The following CBLB variants were observed in gnomAD, a reference collection of about 807,000 sequenced individuals.
CBLB encodes E3 ubiquitin-protein ligase CBL-B.
A neutral mutation model predicts 104.9 loss-of-function variants in CBLB; 31 were observed. The ratio of observed to expected loss-of-function variants is 0.30; its 90% CI spans 0.22 to 0.40. The LOEUF (loss-of-function observed/expected upper bound fraction) is 0.40. Ranked by LOEUF, CBLB falls within the 10% of genes least tolerant of loss-of-function variation. The pLI is 1.00. For missense variants in CBLB, 1,062 were observed against 1,214.6 expected (o/e 0.87, Z 1.87); for synonymous variants, 440 against 422.6 (o/e 1.04, Z -0.51).
chr3:105,753,548 G>A (rs2076775617), intron 4 of CBLB, among the ~76,000 whole-genome samples: 1 of 151,964 alleles, frequency 6.6e-6, no homozygotes, highest in Non-Finnish European at 1.5e-5. Flanking sequence ...AAGGGACATT[G>A]ATCATGATAC....
chr3:105,753,122 G>T (rs761874804), intron 4 of CBLB, among the ~76,000 whole-genome samples: 1 of 152,194 alleles, frequency 6.6e-6, no homozygotes, highest in Non-Finnish European at 1.5e-5. Context: ...TTCCAGAGAA[G>T]CAGTCTGTGG....
chr3:105,716,869 A>G lies in CBLB; in HGVS notation c.1407+3178T>C, dbSNP rs542814855. On this transcript the variant is annotated intron_variant, in intron 10 of 18. Coordinates refer to ENST00000394030, the MANE Select transcript of CBLB (RefSeq NM_170662.5). The stretch of plus-strand genomic sequence containing the variant: ...ATCATCATTCTACTCTTTGTGGGGT[A>G]AAAAACAGAAAGGATCAATTTGAAA... Among the ~76,000 whole-genome samples the G allele has an allele frequency of 3.3e-5, 5 of 152,284 alleles. No homozygotes were observed. The South Asian group carries it at 1.0e-3, about 32-fold the overall frequency.
At chr3:105,691,915 C>T (rs558207868) in intron 13 of CBLB, among the ~76,000 whole-genome samples, 52 of 152,272 alleles carry the variant, frequency 3.4e-4, no homozygotes, top group Admixed American at 1.3e-3. Context: ...TCCATGACAT[C>T]CTTCATTCAC....
intron 3 of CBLB, among the ~76,000 whole-genome samples, chr3:105,815,710 G>T (rs1347570938): frequency 6.6e-6 from 1 of 152,054 alleles, no homozygotes; most frequent in East Asian, 1.9e-4. Flanking sequence ...TATACCCAAA[G>T]GATTATAAAT....
rs773316313 is a variant in CBLB, at chr3:105,720,057, T to C, written c.1397A>G (p.Asn466Ser). 1.2e-6 allele frequency: 2 copies of C among 1,613,532 alleles called. No homozygotes were observed. The highest frequency in any genetic ancestry group is 1.1e-5 in the South Asian group (1 of 91,060). ...TGTTTCTAGTTTTACCTTTCGGACG[T>C]TTGCCAACCGATTCATCATCAAGGA... The part of the protein sequence containing the change: ...EESLMMNRLA[N>S]VRKCTDRQNS... The change falls in exon 10 of 19, where the codon AAC becomes AGC. Residue 466 changes from asparagine (N) to serine (S), a missense_variant. Physicochemically the swap from Asn to Ser is conservative, Grantham distance 46. Coordinates refer to ENST00000394030, the MANE Select transcript of CBLB (RefSeq NM_170662.5).
At position 105,685,094 on chromosome 3, in the gene CBLB, T is replaced by C. The variant is rs1559813841; in HGVS notation, c.2201+226A>G. ...TGAGCACTAATTTTTCTTCATGAGA[T>C]AGGTGTTTAGAACTGATAAAATAAA... On this transcript the variant is annotated intron_variant, in intron 14 of 18. Coordinates refer to ENST00000394030, the MANE Select transcript of CBLB (RefSeq NM_170662.5). Among the ~76,000 whole-genome samples the C allele has an allele frequency of 2.0e-5, 3 of 152,208 alleles. No homozygotes were observed. In the South Asian group the frequency reaches 6.2e-4, roughly 32 times the overall value.
At chr3:105,733,921 G>C in intron 9 of CBLB, 88 bp downstream of exon 9, 1 of 1,218,336 alleles carries the variant, frequency 8.2e-7, no homozygotes, top group Admixed American at 1.7e-5. Context: ...GCACTTACCA[G>C]CATTACTTCC....
At chr3:105,865,254 A>T (rs771323458) in intron 2 of CBLB, among the ~76,000 whole-genome samples, 1 of 152,214 alleles carries the variant, frequency 6.6e-6, no homozygotes, top group Non-Finnish European at 1.5e-5. Flanking sequence ...GTAATTATCA[A>T]TGCCTTTCTA....
chr3:105,678,107 C>T (rs2065870373), intron 17 of CBLB, among the ~76,000 whole-genome samples: 1 of 152,004 alleles, frequency 6.6e-6, no homozygotes, highest in African/African-American at 2.4e-5. Context: ...AAATATTGTT[C>T]CCATTACTAT....
chr3:105,754,665 C>T (rs539561306), intron 4 of CBLB, among the ~76,000 whole-genome samples: 1 of 152,100 alleles, frequency 6.6e-6, no homozygotes, highest in Non-Finnish European at 1.5e-5. Flanking sequence ...CAGGCTGAAT[C>T]GCTTTTAAAA....
chr3:105,869,290 A>G, upstream of CBLB: 1 of 1,017,740 alleles, frequency 9.8e-7, no homozygotes, highest in Non-Finnish European at 1.4e-6. Context: ...GAAAGTGGAA[A>G]CGGGAAAGGA....
At chr3:105,803,815 A>G (rs1296459742) in intron 3 of CBLB, among the ~76,000 whole-genome samples, 3 of 152,234 alleles carry the variant, frequency 2.0e-5, no homozygotes, top group African/African-American at 4.8e-5. Context: ...TCTTTTCACT[A>G]TAATTTTTAA....
At chr3:105,727,754 T>C (rs540193592) in intron 9 of CBLB, among the ~76,000 whole-genome samples, 6 of 152,232 alleles carry the variant, frequency 3.9e-5, no homozygotes, top group Non-Finnish European at 7.3e-5. Context: ...TTCAGTTTTC[T>C]GCGTATGGCT....
At chr3:105,853,013 G>A (rs1311802808) in intron 3 of CBLB, among the ~76,000 whole-genome samples, 6 of 152,042 alleles carry the variant, frequency 3.9e-5, no homozygotes, top group South Asian at 2.1e-4. Flanking sequence ...CACCACGCCC[G>A]GCCTTTTATA....
At chr3:105,852,827 C>G (rs1045537237) in intron 3 of CBLB, among the ~76,000 whole-genome samples, 4 of 152,236 alleles carry the variant, frequency 2.6e-5, no homozygotes, top group Admixed American at 1.3e-4. Flanking sequence ...AAGCGATTCT[C>G]CTGCCTCAGC....
At chr3:105,848,834 T>A (rs1484019145) in intron 3 of CBLB, among the ~76,000 whole-genome samples, 1 of 152,136 alleles carries the variant, frequency 6.6e-6, no homozygotes, top group Non-Finnish European at 1.5e-5. Flanking sequence ...AGTGAATTTA[T>A]AATATTCCCA....
At chr3:105,722,571 C>CAGTGCAATTATA (rs1559960892) in intron 9 of CBLB, among the ~76,000 whole-genome samples, 3 of 9,296 alleles carry the variant, frequency 3.2e-4, no homozygotes, top group African/African-American at 1.0e-3. Flanking sequence ...AAGACCTAAT[C>CAGTGCAATTATA]GTAACTAAAA....
chr3:105,869,369 G>A, upstream of CBLB: 2 of 1,342,940 alleles, frequency 1.5e-6, no homozygotes, highest in African/African-American at 3.0e-5. Flanking sequence ...GTGAGCGTCG[G>A]GACCGGGAGC....
chr3:105,783,615 T>C (rs926528571), intron 3 of CBLB, among the ~76,000 whole-genome samples: 3 of 152,176 alleles, frequency 2.0e-5, no homozygotes, highest in Non-Finnish European at 4.4e-5. Context: ...GACAGAATCC[T>C]ATACCCAATG....
Sources: gnomAD v4.1 joint callset for allele counts (sites outside exome capture counted in the v4.1 genomes callset) on GRCh38, gnomAD v4.1.1 for gene constraint, MANE v1.5 for transcripts, NCBI Gene and HGNC (gene_info 2026-07-23, HGNC 2026-07-21) for gene names.